Variants in TRAPPC9 observed in about 807,000 individuals in gnomAD.
The protein encoded by TRAPPC9 is IKK2 binding protein.
Under a neutral mutation model 124.0 loss-of-function variants are expected in TRAPPC9, and 83 were observed. The observed-to-expected ratio is 0.67, with a 90% CI of 0.56 to 0.80. TRAPPC9 has a LOEUF of 0.80. Among genes scored for constraint, TRAPPC9 ranks in the 30% least tolerant of loss-of-function variants. TRAPPC9 has a pLI of 0.00. For synonymous variants in TRAPPC9, 638 were observed against 617.5 expected, an observed-to-expected ratio of 1.03 and a Z score of -0.49; for missense variants, 1,302 against 1,508.3, an observed-to-expected ratio of 0.86 and a Z score of 2.27.
intron 21 of TRAPPC9, among the ~76,000 whole-genome samples, chr8:139,869,858 A>G (rs539114285): frequency 6.6e-6 from 1 of 152,368 alleles, no homozygotes; most frequent in East Asian, 1.9e-4. Context: ...AGAATGCCTA[A>G]AACATATCAA....
At chr8:139,822,377 T>A (rs560671486) in intron 21 of TRAPPC9, among the ~76,000 whole-genome samples, 64 of 152,220 alleles carry the variant, frequency 4.2e-4, no homozygotes, top group African/African-American at 1.4e-3. Context: ...AATGAAAGGG[T>A]TGCCCAGGTG....
intron 20 of TRAPPC9, among the ~76,000 whole-genome samples, chr8:139,890,595 T>C (rs1041195056): frequency 1.3e-5 from 2 of 152,224 alleles, no homozygotes; most frequent in Non-Finnish European, 2.9e-5. Context: ...GAGGGACCCC[T>C]TCCCGGTCTG....
chr8:140,117,067 C>T (rs1221798900), intron 17 of TRAPPC9, among the ~76,000 whole-genome samples: 2 of 152,118 alleles, frequency 1.3e-5, no homozygotes, highest in African/African-American at 2.4e-5. Context: ...TCTAACACCG[C>T]CCCATTCTGA....
chr8:140,296,177 T>C (rs2065798345), intron 11 of TRAPPC9, among the ~76,000 whole-genome samples: 1 of 152,232 alleles, frequency 6.6e-6, no homozygotes, highest in African/African-American at 2.4e-5. Flanking sequence ...CAGCATCAAA[T>C]AGTTTTGAGA....
chr8:139,991,342 ACTGT>A (rs1837630150), intron 18 of TRAPPC9, among the ~76,000 whole-genome samples: 1 of 152,098 alleles, frequency 6.6e-6, no homozygotes, highest in Admixed American at 6.6e-5. Context: ...TTTCTGACTC[ACTGT>A]CTGAGTGTGG....
chr8:139,986,845 A>G (rs1837267076), intron 19 of TRAPPC9, among the ~76,000 whole-genome samples: 1 of 152,206 alleles, frequency 6.6e-6, no homozygotes, highest in Non-Finnish European at 1.5e-5. Context: ...AAATTACCTT[A>G]TGCCCTTTCC....
rs181642130 is a variant in TRAPPC9 at position 140,057,243 on chromosome 8, G to C, written c.2557-33164C>G. On this transcript the variant is annotated intron_variant, in intron 17 of 22. Transcript: ENST00000438773. ...GTCCTTGGACACTGATGGTGGGAAT[G>C]GAAAAAGGTACAGCTGCTATGGAAA... Among the ~76,000 whole-genome samples, 257 of 152,264 alleles carry C rather than the reference G, an allele frequency of 1.7e-3. 1 individual carries two copies. The highest frequency in any genetic ancestry group is 5.9e-3 in the African/African-American group (247 of 41,556).
intron 17 of TRAPPC9, among the ~76,000 whole-genome samples, chr8:140,101,293 C>T (rs1234735990): frequency 6.6e-6 from 1 of 152,014 alleles, no homozygotes; most frequent in East Asian, 1.9e-4. Context: ...GTCCACACTA[C>T]GATGCCTAAT....
At chr8:140,027,573 C>T (rs990307290) in intron 17 of TRAPPC9, among the ~76,000 whole-genome samples, 76 of 152,150 alleles carry the variant, frequency 5.0e-4, no homozygotes, top group Admixed American at 5.0e-3. Context: ...TATTACTTTA[C>T]TCTGTAGAAA....
chr8:139,794,314 C>T (rs1454836453), intron 21 of TRAPPC9, among the ~76,000 whole-genome samples: 2 of 152,194 alleles, frequency 1.3e-5, no homozygotes, highest in Non-Finnish European at 1.5e-5. Context: ...AGAAGCTGCC[C>T]GCACTTGTCC....
chr8:139,813,328 G>A (rs1824572947), intron 21 of TRAPPC9, among the ~76,000 whole-genome samples: 2 of 152,250 alleles, frequency 1.3e-5, no homozygotes, highest in African/African-American at 4.8e-5. Context: ...CAAGAAGGGA[G>A]GGGGAGCACC....
intron 19 of TRAPPC9, among the ~76,000 whole-genome samples, chr8:139,963,430 G>A (rs1835475190): frequency 6.6e-6 from 1 of 152,154 alleles, no homozygotes; most frequent in Non-Finnish European, 1.5e-5. Context: ...CTTATTTACT[G>A]TTTTGCTCAC....
In TRAPPC9 at chr8:139,984,136, C is replaced by T. The variant is rs1207315053; in HGVS notation, c.2810+4590G>A. ...GGCGGCAGGCACCACAATTATCTAA[C>T]TGGGGTTGGTCTCTCAGATTGCAGG... On this transcript the variant is annotated intron_variant, in intron 19 of 22. Coordinates refer to ENST00000438773, the MANE Select transcript of TRAPPC9 (RefSeq NM_001160372.4). The surrounding 1 kb of genome is among the most constrained non-coding windows in gnomAD (Gnocchi z 4.3). Among the ~76,000 whole-genome samples the T allele has an allele frequency of 6.6e-6, 1 of 152,152 alleles. No individual in the cohort carries two copies. Among genetic ancestry groups the T allele is most frequent in the African/African-American group, 2.4e-5 (1 of 41,434 alleles).
At chr8:140,046,163 G>A (rs1045441223) in intron 17 of TRAPPC9, among the ~76,000 whole-genome samples, 2 of 151,274 alleles carry the variant, frequency 1.3e-5, no homozygotes, top group Non-Finnish European at 3.0e-5. Context: ...GCACTGTGCT[G>A]AGCGGTCTTG....
chr8:140,412,614 A>G (rs1006432353), intron 5 of TRAPPC9, among the ~76,000 whole-genome samples: 2 of 152,228 alleles, frequency 1.3e-5, no homozygotes, highest in Non-Finnish European at 2.9e-5. Flanking sequence ...AAATCGCTCA[A>G]AAAAAACTTT....
At chr8:139,905,928 A>C (rs945991991) in intron 20 of TRAPPC9, among the ~76,000 whole-genome samples, 3 of 151,902 alleles carry the variant, frequency 2.0e-5, no homozygotes, top group Non-Finnish European at 4.4e-5. Context: ...CTCTGTCTCT[A>C]CTAAAATACA....
intron 2 of TRAPPC9, among the ~76,000 whole-genome samples, chr8:140,440,739 C>A (rs1045803629): frequency 1.3e-5 from 2 of 152,068 alleles, no homozygotes; most frequent in Non-Finnish European, 2.9e-5. Flanking sequence ...GGCATGCAGT[C>A]CATAGCTAGC....
intron 8 of TRAPPC9, among the ~76,000 whole-genome samples, chr8:140,370,114 A>T (rs1037088115): frequency 3.5e-5 from 5 of 141,930 alleles, no homozygotes; most frequent in Non-Finnish European, 7.5e-5. Context: ...ATCTAAAAGT[A>T]ACCCCTCAAA....
intron 17 of TRAPPC9, among the ~76,000 whole-genome samples, chr8:140,180,147 C>G (rs376130655): frequency 2.0e-5 from 3 of 151,596 alleles, no homozygotes; most frequent in African/African-American, 7.2e-5. Flanking sequence ...CTTTTCTCTT[C>G]TTTTCCTCCC....
Sources: allele counts gnomAD v4.1 joint callset (sites outside exome capture counted in the v4.1 genomes callset), GRCh38; gene constraint gnomAD v4.1.1; non-coding constraint Gnocchi (gnomAD v3.1); transcripts MANE v1.5; gene names NCBI Gene and HGNC (gene_info 2026-07-23, HGNC 2026-07-21).